Variants in MYO1E observed in about 807,000 individuals in gnomAD.
The protein encoded by MYO1E is myosin IE, also known as unconventional myosin-Ie.
A neutral mutation model predicts 151.1 loss-of-function variants in MYO1E; 68 were observed. The observed-to-expected ratio is 0.45, with a 90% CI of 0.37 to 0.55. MYO1E has a LOEUF of 0.55. Ranked by LOEUF, MYO1E falls within the 20% of genes least tolerant of loss-of-function variation. MYO1E has a pLI of 0.00. For synonymous variants in MYO1E, 601 were observed against 501.7 expected, an observed-to-expected ratio of 1.20 and a Z score of -2.64; for missense variants, 1,363 against 1,389.3, an observed-to-expected ratio of 0.98 and a Z score of 0.30.
intron 9 of MYO1E, among the ~76,000 whole-genome samples, chr15:59,220,241 G>A (rs2079945866): frequency 6.6e-6 from 1 of 152,216 alleles, no homozygotes; most frequent in African/African-American, 2.4e-5. Flanking sequence ...CTGAGGTCAG[G>A]AGTTTGAGAC....
intron 25 of MYO1E, among the ~76,000 whole-genome samples, chr15:59,154,067 G>A (rs574056183): frequency 3.9e-5 from 6 of 152,314 alleles, no homozygotes; most frequent in African/African-American, 1.4e-4. Flanking sequence ...AACTTCCCGG[G>A]ATGTGCCCGG....
chr15:59,205,290 G>A, intron 15 of MYO1E, 110 bp downstream of exon 15: 1 of 1,072,972 alleles, frequency 9.3e-7, no homozygotes, highest in East Asian at 2.4e-5. Flanking sequence ...AGCCTCCTGA[G>A]TAGCTGGGAC....
intron 26 of MYO1E, among the ~76,000 whole-genome samples, chr15:59,138,636 T>G (rs2079388657): frequency 6.6e-6 from 1 of 152,128 alleles, no homozygotes; most frequent in South Asian, 2.1e-4. Context: ...GGGAGACACA[T>G]ATCCATAAAA....
At chr15:59,176,052 T>G (rs1244083473) in intron 19 of MYO1E, among the ~76,000 whole-genome samples, 3 of 151,262 alleles carry the variant, frequency 2.0e-5, no homozygotes, top group Non-Finnish European at 4.4e-5. Context: ...TGATGTGGGT[T>G]TTGTTGTTGT....
At chr15:59,293,757 T>C (rs1188701838) in intron 1 of MYO1E, among the ~76,000 whole-genome samples, 1 of 152,088 alleles carries the variant, frequency 6.6e-6, no homozygotes, top group Non-Finnish European at 1.5e-5. Flanking sequence ...AACCCTGATA[T>C]ATGGGCCAGC....
At chr15:59,196,783 T>G (rs985264127) in intron 16 of MYO1E, among the ~76,000 whole-genome samples, 1 of 152,262 alleles carries the variant, frequency 6.6e-6, no homozygotes, top group Admixed American at 6.5e-5. Context: ...AGCCCTATGA[T>G]GAAAAAGTAA....
intron 17 of MYO1E, among the ~76,000 whole-genome samples, chr15:59,194,162 A>C (rs1431654952): frequency 6.6e-6 from 1 of 151,284 alleles, no homozygotes; most frequent in African/African-American, 2.4e-5. Flanking sequence ...TGACAGAGCG[A>C]GACTCTTGTC....
intron 4 of MYO1E, among the ~76,000 whole-genome samples, chr15:59,255,211 C>A (rs1381905585): frequency 6.6e-6 from 1 of 151,948 alleles, no homozygotes; most frequent in South Asian, 2.1e-4. Flanking sequence ...ACTTCCCTGG[C>A]TCAAGTGATC....
chr15:59,295,156 C>CA (rs1375961945), intron 1 of MYO1E, among the ~76,000 whole-genome samples: 1 of 151,860 alleles, frequency 6.6e-6, no homozygotes, highest in African/African-American at 2.4e-5. Context: ...ATGAATGAGA[C>CA]AAAATCACTA....
At chr15:59,192,133 T>C (rs1415397504) in intron 17 of MYO1E, among the ~76,000 whole-genome samples, 1 of 152,058 alleles carries the variant, frequency 6.6e-6, no homozygotes. Flanking sequence ...GTGAAACCAT[T>C]TGTTACACAA....
At chr15:59,144,227 C>T (rs2079427759) in intron 26 of MYO1E, among the ~76,000 whole-genome samples, 1 of 151,966 alleles carries the variant, frequency 6.6e-6, no homozygotes, top group African/African-American at 2.4e-5. Flanking sequence ...AGTGCAGTGG[C>T]ATGATCTCGG....
chr15:59,361,111 A>G (rs1567024883), intron 1 of MYO1E, among the ~76,000 whole-genome samples: 2 of 152,180 alleles, frequency 1.3e-5, no homozygotes, highest in Admixed American at 6.5e-5. Context: ...CAAGAGACAC[A>G]TGGCCAAGCC....
intron 4 of MYO1E, among the ~76,000 whole-genome samples, chr15:59,246,945 G>C (rs2080133889): frequency 6.6e-6 from 1 of 152,194 alleles, no homozygotes; most frequent in African/African-American, 2.4e-5. Context: ...TGGGTATGCA[G>C]AGAGCATCAC....
intron 12 of MYO1E, among the ~76,000 whole-genome samples, chr15:59,211,006 C>T (rs1050789969): frequency 2.0e-4 from 31 of 151,964 alleles, no homozygotes; most frequent in Non-Finnish European, 1.0e-4. Flanking sequence ...TCGAGACCAT[C>T]GTGACCAACA....
At chr15:59,281,968 A>T (rs1367615012) in intron 1 of MYO1E, among the ~76,000 whole-genome samples, 1 of 152,068 alleles carries the variant, frequency 6.6e-6, no homozygotes, top group Non-Finnish European at 1.5e-5. Context: ...GTTCAAAAAA[A>T]AAAAAGGAAA....
At chr15:59,324,941 G>A (rs1596417949) in intron 1 of MYO1E, among the ~76,000 whole-genome samples, 1 of 102,064 alleles carries the variant, frequency 9.8e-6, no homozygotes, top group South Asian at 3.4e-4. Context: ...GCACTCTAAG[G>A]CTTTTTAGAA....
chr15:59,140,153 C>T (rs1374612380), intron 26 of MYO1E, among the ~76,000 whole-genome samples: 1 of 152,022 alleles, frequency 6.6e-6, no homozygotes, highest in Non-Finnish European at 1.5e-5. Flanking sequence ...CACTGGATAC[C>T]AGTGACACTC....
intron 1 of MYO1E, among the ~76,000 whole-genome samples, chr15:59,354,416 C>A (rs1411450067): frequency 6.6e-6 from 1 of 152,170 alleles, no homozygotes; most frequent in Admixed American, 6.5e-5. Flanking sequence ...ACCTTCTTAT[C>A]CTGGCCATGA....
intron 1 of MYO1E, among the ~76,000 whole-genome samples, chr15:59,289,987 C>A (rs1251057117): frequency 6.6e-6 from 1 of 152,188 alleles, no homozygotes; most frequent in Non-Finnish European, 1.5e-5. Context: ...GTTTGGGGAT[C>A]GGGGAACGGG....
Sources: allele counts gnomAD v4.1 joint callset (sites outside exome capture counted in the v4.1 genomes callset), GRCh38; gene constraint gnomAD v4.1.1; transcripts MANE v1.5; gene names NCBI Gene and HGNC (gene_info 2026-07-23, HGNC 2026-07-21).